The following RFX1 variants were observed in gnomAD, a reference collection of about 807,000 sequenced individuals.
RFX1 encodes MHC class II regulatory factor RFX1.
In RFX1, 42 loss-of-function variants were observed where a neutral mutation model predicts 119.6. That is an observed-to-expected ratio of 0.35 (90% CI 0.27 to 0.45). The LOEUF (loss-of-function observed/expected upper bound fraction) is 0.45. Ranked by LOEUF, RFX1 falls within the 20% of genes least tolerant of loss-of-function variation. The pLI, the probability that RFX1 is intolerant of heterozygous loss-of-function variation, is 1.00. For synonymous variants in RFX1, 628 were observed against 618.5 expected (o/e 1.02, Z -0.23); for missense variants, 1,118 against 1,368.1 (o/e 0.82, Z 2.88).
chr19:13,977,957 C>T (rs199529340), intron 8 of RFX1, 35 bp downstream of exon 8: 2 of 1,535,678 alleles, frequency 1.3e-6, no homozygotes, highest in Non-Finnish European at 1.8e-6. Context: ...CAGTGCAGAC[C>T]TGACTCCCTC....
In RFX1 at chr19:13,968,943, G is replaced by T; in HGVS notation, c.1497-49C>A. 1 of 1,533,388 alleles carries T rather than the reference G, an allele frequency of 6.5e-7. No individual in the cohort carries two copies. The highest frequency in any genetic ancestry group is 8.8e-7 in the Non-Finnish European group (1 of 1,141,896). 95.0% of individuals were successfully genotyped at this position (1,533,388 alleles called of 1,614,324 possible). ...GGCTGGGCTGGGGGTCTGCCGGCTG[G>T]CCGGCCATGGAGCACCTCACAGCAC... On this transcript the variant is annotated intron_variant, in intron 10 of 20. Transcript: ENST00000254325. The surrounding 1 kb of genome is among the most constrained non-coding windows in gnomAD (Gnocchi z 5.5).
At position 13,963,149 on chromosome 19, in the gene RFX1, G is replaced by A. The variant is rs756457911; in HGVS notation, c.2697C>T (p.Gly899=). The A allele has an allele frequency of 1.9e-6, 3 of 1,612,134 alleles. No individual in the cohort carries two copies. Among genetic ancestry groups the A allele is most frequent in the Non-Finnish European group, 2.5e-6 (3 of 1,179,128 alleles). ...LIEHRVAQAK[G]ETPIAVMGEF... Reference sequence around the variant, plus strand: ...CGCCCATGACGGCGATGGGGGTCTCGCCCTTGGCCTGGGCTACGCGGTGCT... The same window carrying A: ...CGCCCATGACGGCGATGGGGGTCTCACCCTTGGCCTGGGCTACGCGGTGCT... The change falls in exon 19 of 21, where the codon GGC becomes GGT. Residue 899 remains glycine, a synonymous_variant. Coordinates refer to ENST00000254325, the MANE Select transcript of RFX1 (RefSeq NM_002918.5).
At chr19:13,998,942 G>A (rs1049726485) in intron 1 of RFX1, among the ~76,000 whole-genome samples, 1 of 152,212 alleles carries the variant, frequency 6.6e-6, no homozygotes. Context: ...GGGGCAAGAA[G>A]AGGAGGCAAT....
chr19:13,980,579 G>T lies in RFX1; in HGVS notation c.732C>A (p.Thr244=). The T allele has an allele frequency of 6.4e-7, 1 of 1,568,466 alleles. No homozygotes were observed. Among genetic ancestry groups the T allele is most frequent in the South Asian group, 1.2e-5 (1 of 86,710 alleles). ...GCCCGCCTTGGCCTGGCACCTCTTG[G>T]GTGACGGGGACACTCTGCTGGACGC... ...VHGVQQSVPV[T]QERSVVQATP... The change falls in exon 6 of 21, where the codon ACC becomes ACA. Residue 244 remains threonine (T), a synonymous_variant. Coordinates refer to ENST00000254325, the MANE Select transcript of RFX1 (RefSeq NM_002918.5). This position sits in a 1 kb window ranked among gnomAD's most constrained non-coding sequence, Gnocchi z 5.1.
At position 13,962,014 on chromosome 19, in the gene RFX1, C is replaced by A. The variant is rs1257181553; in HGVS notation, c.*681G>T. 1 of 152,240 alleles carries A rather than the reference C, an allele frequency of 6.6e-6. No homozygotes were observed. The highest frequency in any genetic ancestry group is 6.5e-5 in the Admixed American group (1 of 15,286). The allele number at this position is 152,240 out of a possible 1,614,324, so 9.4% of individuals were successfully genotyped here. A position where few individuals can be genotyped will look rare whatever the true frequency, so the allele number is the denominator to read the frequency against. On this transcript the variant is annotated 3_prime_UTR_variant, in exon 21 of 21. Coordinates refer to ENST00000254325, the MANE Select transcript of RFX1 (RefSeq NM_002918.5). ...CGGGGGCTGGGGTCTGTGGGCACTCCCCGGCTCCGCGGCTCGCTGCTCTTT... is the reference window on the plus strand; with the variant it reads ...CGGGGGCTGGGGTCTGTGGGCACTCACCGGCTCCGCGGCTCGCTGCTCTTT...
At chr19:13,976,645 T>G (rs55808806) in intron 8 of RFX1, among the ~76,000 whole-genome samples, 36,496 of 152,094 alleles carry the variant, frequency 0.24, 5,620 homozygotes, top group African/African-American at 0.44. Flanking sequence ...GGACACATGG[T>G]AGAAGAGCCA....
intron 1 of RFX1, among the ~76,000 whole-genome samples, chr19:13,994,641 G>A (rs1445965584): frequency 6.6e-6 from 1 of 151,250 alleles, no homozygotes; most frequent in Non-Finnish European, 1.5e-5. Context: ...CTTGAACCTG[G>A]GAGGCGGAGG....
intron 5 of RFX1, among the ~76,000 whole-genome samples, 180 bp downstream of exon 5, chr19:13,981,941 C>G (rs1974441961): frequency 1.3e-5 from 2 of 152,230 alleles, no homozygotes; most frequent in Non-Finnish European, 2.9e-5. Flanking sequence ...AATTGGGCAG[C>G]TAAGCCACCC....
Position 13,972,875 on chromosome 19 carries a change from G to T in RFX1, c.1182C>A (p.Gly394=). The T allele has an allele frequency of 6.4e-7, 1 of 1,557,598 alleles. No homozygotes were observed. ...GSGGGGGGGG[G]GGGGGSGSTG... ...TGCTGCCACTGCCACCCCCGCCACC[G>T]CCTCCCCCGCCGCCGCCGCCACCAC... Residue 394 remains glycine, a synonymous_variant, in exon 9 of 21, where the codon GGC becomes GGA. Transcript: ENST00000254325.
rs1195116942 is a variant in RFX1, at chr19:13,968,486, G to A, written c.1732+79C>T. 9 of 1,190,806 alleles carry A rather than the reference G, an allele frequency of 7.6e-6. No individual in the cohort carries two copies. The highest frequency in any genetic ancestry group is 1.1e-5 in the Non-Finnish European group (9 of 801,614). 73.8% of individuals were successfully genotyped at this position (1,190,806 alleles called of 1,614,324 possible). On this transcript the variant is annotated intron_variant, in intron 12 of 20. Coordinates refer to ENST00000254325, the MANE Select transcript of RFX1 (RefSeq NM_002918.5). This position sits in a 1 kb window ranked among gnomAD's most constrained non-coding sequence, Gnocchi z 5.5. ...GCCCTCCCCAGCTCAGAGGCTGCCT[G>A]CCGCCATCCAGCTTTGGGAACCGTC...
chr19:13,981,665 T>C (rs1974433840), intron 5 of RFX1, among the ~76,000 whole-genome samples: 1 of 152,240 alleles, frequency 6.6e-6, no homozygotes, highest in African/African-American at 2.4e-5. Flanking sequence ...GGGCCAGCCA[T>C]CTGACCCCGA....
At chr19:14,005,831 C>T (rs541162051) in intron 1 of RFX1, among the ~76,000 whole-genome samples, 60 of 151,426 alleles carry the variant, frequency 4.0e-4, no homozygotes, top group Non-Finnish European at 6.2e-4. Context: ...TTCGCGCTCC[C>T]GACATATAAA....
rs1054762 is a variant in RFX1 at position 13,968,599 on chromosome 19, G to C, written c.1698C>G (p.Ile566Met). Residue 566 changes from isoleucine to methionine, a missense_variant, in exon 12 of 21, where the codon ATC becomes ATG. Ile to Met is a conservative substitution (Grantham distance 10). Coordinates refer to ENST00000254325, the MANE Select transcript of RFX1 (RefSeq NM_002918.5). The surrounding 1 kb of genome is among the most constrained non-coding windows in gnomAD (Gnocchi z 5.5). ...GQQPSTGLSD[I>M]SAQVQQYQQF... ...GCTGGTACTGCTGCACCTGGGCGCT[G>C]ATGTCCGACAGCCCCGTGCTCGGCT... The C allele has an allele frequency of 6.2e-7, 1 of 1,613,390 alleles. No homozygotes were observed. The highest frequency in any genetic ancestry group is 1.7e-5 in the Admixed American group (1 of 60,034).
intron 8 of RFX1, among the ~76,000 whole-genome samples, chr19:13,975,803 C>T (rs1023300810): frequency 6.6e-6 from 1 of 152,362 alleles, no homozygotes; most frequent in Non-Finnish European, 1.5e-5. Flanking sequence ...GGGGCTGTGG[C>T]TTTGGCCAGG....
At chr19:14,004,611 C>T (rs1049929097) in intron 1 of RFX1, among the ~76,000 whole-genome samples, 1 of 152,098 alleles carries the variant, frequency 6.6e-6, no homozygotes, top group Non-Finnish European at 1.5e-5. Context: ...TCAAAGAGTC[C>T]CTGCCTCCTC....
intron 7 of RFX1, 79 bp from the exon 8 acceptor site, chr19:13,978,165 C>G: frequency 2.9e-6 from 3 of 1,024,080 alleles, no homozygotes; most frequent in Non-Finnish European, 4.4e-6. Flanking sequence ...CTGGTGCCCA[C>G]CCAGGCTATC....
intron 16 of RFX1, among the ~76,000 whole-genome samples, chr19:13,964,436 C>T (rs1973828666): frequency 6.7e-6 from 1 of 150,356 alleles, no homozygotes; most frequent in Non-Finnish European, 1.5e-5. Flanking sequence ...ATATGGAGGG[C>T]ACTGCACAGA....
rs999319159 is a variant in RFX1, at chr19:13,969,831, G to A, written c.1496+163C>T. On this transcript the variant is annotated intron_variant, in intron 10 of 20. Coordinates refer to ENST00000254325, the MANE Select transcript of RFX1 (RefSeq NM_002918.5). The surrounding 1 kb of genome is among the most constrained non-coding windows in gnomAD (Gnocchi z 4.5). ...GCACATGAGGTGGAAGGCACCGCCAGTGCAAAGGCCTAGAGTGGGAGTGAG... is the reference window on the plus strand; with the variant it reads ...GCACATGAGGTGGAAGGCACCGCCAATGCAAAGGCCTAGAGTGGGAGTGAG... The A allele has an allele frequency of 3.0e-5, 19 of 623,602 alleles. No homozygotes were observed. Among genetic ancestry groups the A allele is most frequent in the Non-Finnish European group, 4.6e-5 (17 of 372,128 alleles). The allele number at this position is 623,602 out of a possible 1,614,324, so 38.6% of individuals were successfully genotyped here.
At chr19:13,963,436 C>T (rs983961344) in intron 18 of RFX1, 102 bp downstream of exon 18, 16 of 1,435,718 alleles carry the variant, frequency 1.1e-5, no homozygotes, top group Non-Finnish European at 6.6e-6. Context: ...AGCCTGCCCG[C>T]CCAGCCTGCA....
Sources: allele counts gnomAD v4.1 joint callset (sites outside exome capture counted in the v4.1 genomes callset), GRCh38; gene constraint gnomAD v4.1.1; non-coding constraint Gnocchi (gnomAD v3.1); transcripts MANE v1.5; gene names NCBI Gene and HGNC (gene_info 2026-07-23, HGNC 2026-07-21).